The following SPATA6 variants were observed in gnomAD, a reference collection of about 807,000 sequenced individuals.
The protein encoded by SPATA6 is spermatogenesis-associated protein 6.
Under a neutral mutation model 65.3 loss-of-function variants are expected in SPATA6, and 56 were observed. The ratio of observed to expected loss-of-function variants is 0.86; its 90% CI spans 0.69 to 1.07. The LOEUF (loss-of-function observed/expected upper bound fraction) is 1.07, where lower values mean the gene tolerates loss of function less well. Among genes scored for constraint, SPATA6 ranks in the 50% least tolerant of loss-of-function variants. The pLI is 0.00. For missense variants in SPATA6, 590 were observed against 594.8 expected, an observed-to-expected ratio of 0.99 and a Z score of 0.08; for synonymous variants, 199 against 213.2, an observed-to-expected ratio of 0.93 and a Z score of 0.58.
intron 11 of SPATA6, among the ~76,000 whole-genome samples, chr1:48,327,999 G>A (rs758097050): frequency 6.6e-6 from 1 of 151,880 alleles, no homozygotes; most frequent in Non-Finnish European, 1.5e-5. Context: ...TTAAAAACTC[G>A]ATAAAAAGAC....
chr1:48,272,762 G>C, the SPATA6 span, among the ~76,000 whole-genome samples: 2 of 152,010 alleles, frequency 1.3e-5, no homozygotes, highest in African/African-American at 4.8e-5. Context: ...CCTTCATACT[G>C]ATTTCCATAA....
chr1:48,420,640 T>C (rs1202487022), intron 3 of SPATA6, among the ~76,000 whole-genome samples: 1 of 152,114 alleles, frequency 6.6e-6, no homozygotes, highest in Non-Finnish European at 1.5e-5. Flanking sequence ...TTGATGATTG[T>C]TGTGGTAAAA....
chr1:48,441,059 A>C (rs1391820270), intron 3 of SPATA6, among the ~76,000 whole-genome samples: 1 of 152,164 alleles, frequency 6.6e-6, no homozygotes, highest in East Asian at 1.9e-4. Flanking sequence ...AGATTGTCCA[A>C]CAAGAAACAA....
intron 11 of SPATA6, among the ~76,000 whole-genome samples, chr1:48,338,404 C>G (rs1207611608): frequency 6.6e-6 from 1 of 151,976 alleles, no homozygotes; most frequent in Non-Finnish European, 1.5e-5. Flanking sequence ...GGGTATAAAG[C>G]TACACCAAAC....
chr1:48,311,969 T>G (rs187849579), intron 11 of SPATA6, among the ~76,000 whole-genome samples: 2 of 152,308 alleles, frequency 1.3e-5, no homozygotes, highest in Non-Finnish European at 2.9e-5. Context: ...CCTCACTCAT[T>G]GCTACCACAA....
At chr1:48,433,592 G>A (rs1312398525) in intron 3 of SPATA6, among the ~76,000 whole-genome samples, 1 of 152,024 alleles carries the variant, frequency 6.6e-6, no homozygotes, top group East Asian at 1.9e-4. Context: ...AAAGGCTATA[G>A]GAAATAACTT....
chr1:48,445,501 A>C (rs931537827), intron 3 of SPATA6, among the ~76,000 whole-genome samples: 1 of 152,076 alleles, frequency 6.6e-6, no homozygotes, highest in African/African-American at 2.4e-5. Flanking sequence ...TCTACTAAAA[A>C]TACAAAAAAT....
At chr1:48,371,804 C>CA (rs772708614) in intron 9 of SPATA6, among the ~76,000 whole-genome samples, 1 of 152,092 alleles carries the variant, frequency 6.6e-6, no homozygotes, top group Non-Finnish European at 1.5e-5. Flanking sequence ...GGAGGTTTCG[C>CA]AATCATGGCT....
At chr1:48,346,506 G>C (rs1179494892) in intron 11 of SPATA6, among the ~76,000 whole-genome samples, 1 of 151,606 alleles carries the variant, frequency 6.6e-6, no homozygotes, top group Non-Finnish European at 1.5e-5. Context: ...CATGAAAATA[G>C]AAGAGAGGAA....
intron 11 of SPATA6, among the ~76,000 whole-genome samples, chr1:48,308,750 A>G (rs1645124854): frequency 6.6e-6 from 1 of 152,174 alleles, no homozygotes; most frequent in South Asian, 2.1e-4. Context: ...TACATTGAAT[A>G]TATCATTACA....
intron 11 of SPATA6, among the ~76,000 whole-genome samples, chr1:48,326,955 C>G (rs546006456): frequency 2.6e-5 from 4 of 151,904 alleles, no homozygotes; most frequent in African/African-American, 9.7e-5. Context: ...AAACAACTTA[C>G]GACAAAAACC....
At chr1:48,278,646 G>T in the SPATA6 span, among the ~76,000 whole-genome samples, 1 of 152,188 alleles carries the variant, frequency 6.6e-6, no homozygotes, top group African/African-American at 2.4e-5. Flanking sequence ...AGAACAAAAA[G>T]AAATGAACAA....
intron 12 of SPATA6, among the ~76,000 whole-genome samples, chr1:48,301,765 A>G (rs948625385): frequency 6.6e-6 from 1 of 152,192 alleles, no homozygotes; most frequent in Admixed American, 6.6e-5. Context: ...GGCACCAAGC[A>G]CATACATTGG....
At chr1:48,267,121 G>A in the SPATA6 span, among the ~76,000 whole-genome samples, 1 of 151,962 alleles carries the variant, frequency 6.6e-6, no homozygotes. Context: ...AATGAGAAAA[G>A]TTCCCTTATC....
intron 1 of SPATA6, among the ~76,000 whole-genome samples, chr1:48,462,087 C>T (rs1027989100): frequency 4.6e-5 from 7 of 151,992 alleles, no homozygotes; most frequent in African/African-American, 1.2e-4. Flanking sequence ...AGTAAACTAT[C>T]GCAAGGACAA....
chr1:48,312,317 A>G (rs1645243005), intron 11 of SPATA6, among the ~76,000 whole-genome samples: 1 of 152,126 alleles, frequency 6.6e-6, no homozygotes, highest in African/African-American at 2.4e-5. Flanking sequence ...GGCACCCCCC[A>G]GTAGGGGCAG....
At chr1:48,355,513 T>C in intron 11 of SPATA6, 157 bp downstream of exon 11, 2 of 541,402 alleles carry the variant, frequency 3.7e-6, no homozygotes, top group African/African-American at 3.8e-5. Flanking sequence ...GGCATTTAGA[T>C]ATGTTGCCTT....
intron 11 of SPATA6, among the ~76,000 whole-genome samples, chr1:48,332,385 T>C (rs750542505): frequency 1.3e-5 from 2 of 152,106 alleles, no homozygotes; most frequent in Non-Finnish European, 2.9e-5. Context: ...AAAGGGATGA[T>C]GAAATATCTA....
intron 11 of SPATA6, among the ~76,000 whole-genome samples, chr1:48,309,973 T>C (rs1052401474): frequency 1.3e-5 from 2 of 152,206 alleles, no homozygotes; most frequent in African/African-American, 4.8e-5. Context: ...AAGGGCCTTC[T>C]TGTCTTTTCT....
Sources: allele counts gnomAD v4.1 joint callset (sites outside exome capture counted in the v4.1 genomes callset), GRCh38; gene constraint gnomAD v4.1.1; transcripts MANE v1.5; gene names NCBI Gene and HGNC (gene_info 2026-07-23, HGNC 2026-07-21).